The following GLRX2 variants were observed in gnomAD, a reference collection of about 807,000 sequenced individuals.
The protein encoded by GLRX2 is glutaredoxin 2, also known as bA101E13.1 (GRX2 glutaredoxin (thioltransferase) 2).
A neutral mutation model predicts 16.4 loss-of-function variants in GLRX2; 12 were observed. The observed-to-expected ratio is 0.73, with a 90% CI of 0.47 to 1.19. The LOEUF is 1.19. Among genes scored for constraint, GLRX2 ranks in the 50% most tolerant of loss-of-function variants. GLRX2 has a pLI of 0.00. For missense variants in GLRX2, 201 were observed against 201.8 expected (o/e 1.00, Z 0.02); for synonymous variants, 95 against 76.2 (o/e 1.25, Z -1.28).
chr1:193,105,372 C>G lies in GLRX2; in HGVS notation c.11G>C (p.Arg4Pro). 1 of 1,544,842 alleles carries G rather than the reference C, an allele frequency of 6.5e-7. No individual in the cohort carries two copies. The highest frequency in any genetic ancestry group is 8.6e-7 in the Non-Finnish European group (1 of 1,156,176). The part of the protein sequence containing the change: MIW[R>P]RAALAGTRLV... Reference sequence around the variant, plus strand: ...CCGCGTCCCCGCCAGCGCCGCGCGGCGCCAAATCATGGTCAGAGCCCGGAT... The same window carrying G: ...CCGCGTCCCCGCCAGCGCCGCGCGGGGCCAAATCATGGTCAGAGCCCGGAT... The change falls in exon 1 of 4, where the codon CGC becomes CCC. Residue 4 changes from arginine to proline, a missense_variant. Transcript: ENST00000367439.
At chr1:193,103,174 A>G (rs1055789597) in intron 1 of GLRX2, among the ~76,000 whole-genome samples, 2 of 152,104 alleles carry the variant, frequency 1.3e-5, no homozygotes, top group Non-Finnish European at 2.9e-5. Context: ...TCCACCTAAT[A>G]GGAAAAAAAA....
chr1:193,105,637 A>G (rs1675186249), upstream of GLRX2: 5 of 1,596,854 alleles, frequency 3.1e-6, no homozygotes, highest in African/African-American at 6.8e-5. Context: ...TCGAGGGTTC[A>G]TCCGAGCCCC....
intron 1 of GLRX2, among the ~76,000 whole-genome samples, chr1:193,102,134 T>C (rs1448485359): frequency 6.6e-6 from 1 of 152,162 alleles, no homozygotes; most frequent in Non-Finnish European, 1.5e-5. Context: ...ATCTAAAGAA[T>C]AAGAGAATTT....
upstream of GLRX2, chr1:193,105,561 G>T (rs1159083040): frequency 6.2e-7 from 1 of 1,603,702 alleles, no homozygotes; most frequent in Admixed American, 1.7e-5. Flanking sequence ...CCGAGCGCTG[G>T]ATTCCAGCGA....
intron 2 of GLRX2, among the ~76,000 whole-genome samples, chr1:193,099,404 G>A (rs1478155122): frequency 2.6e-5 from 4 of 151,988 alleles, no homozygotes; most frequent in Admixed American, 1.3e-4. Context: ...ACAAGGGTGC[G>A]ATCTCAGCTC....
chr1:193,098,957 T>C (rs1316204275), intron 2 of GLRX2, among the ~76,000 whole-genome samples: 1 of 152,250 alleles, frequency 6.6e-6, no homozygotes, highest in Non-Finnish European at 1.5e-5. Context: ...TGATTTCTTC[T>C]TAAAATGTAA....
In GLRX2 at chr1:193,105,385, T is replaced by C; in HGVS notation, c.-3A>G. The C allele has an allele frequency of 1.9e-6, 3 of 1,540,750 alleles. No homozygotes were observed. Among genetic ancestry groups the C allele is most frequent in the South Asian group, 2.4e-5 (2 of 84,036 alleles). On this transcript the variant is annotated 5_prime_UTR_variant, in exon 1 of 4. Transcript: ENST00000367439. ...AGCGCCGCGCGGCGCCAAATCATGG[T>C]CAGAGCCCGGATCTGCAGCGAGCTC...
intron 1 of GLRX2, among the ~76,000 whole-genome samples, chr1:193,101,984 C>A (rs997561858): frequency 6.6e-6 from 1 of 152,102 alleles, no homozygotes; most frequent in Admixed American, 6.5e-5. Flanking sequence ...ATCCACTCAT[C>A]TTTCTTGGTC....
intron 3 of GLRX2, 141 bp from the exon 4 acceptor site, chr1:193,096,900 A>C: frequency 3.2e-6 from 2 of 617,772 alleles, no homozygotes; most frequent in East Asian, 2.8e-5. Context: ...AAATCTTAAA[A>C]TCTTTACCCT....
intron 3 of GLRX2, among the ~76,000 whole-genome samples, chr1:193,097,306 T>C (rs1373267593): frequency 3.3e-5 from 5 of 152,218 alleles, no homozygotes; most frequent in Admixed American, 6.5e-5. Context: ...AAGAATACTT[T>C]CATCTTGCCA....
intron 2 of GLRX2, among the ~76,000 whole-genome samples, chr1:193,100,022 A>T (rs1675041487): frequency 6.6e-6 from 1 of 152,170 alleles, no homozygotes; most frequent in South Asian, 2.1e-4. Flanking sequence ...GTAGGGAGAG[A>T]TGAGCTTCCA....
upstream of GLRX2, chr1:193,105,520 C>T: frequency 6.4e-7 from 1 of 1,553,760 alleles, no homozygotes. Context: ...CGGTCACCTC[C>T]TCGCAGCTGA....
chr1:193,106,014 CAAAA>C, upstream of GLRX2: 1 of 989,934 alleles, frequency 1.0e-6, no homozygotes, highest in Non-Finnish European at 1.2e-6. Flanking sequence ...GGAAACAAAA[CAAAA>C]GAAATTAGCA....
chr1:193,101,273 G>GA (rs942639056), intron 1 of GLRX2, 69 bp from the exon 2 acceptor site: 4 of 1,039,216 alleles, frequency 3.8e-6, no homozygotes, highest in South Asian at 1.4e-5. Flanking sequence ...AGTTTTATTT[G>GA]AAAAAAATCA....
In GLRX2 at chr1:193,105,321, G is replaced by C; in HGVS notation, c.62C>G (p.Ala21Gly). The C allele has an allele frequency of 6.5e-7, 1 of 1,535,408 alleles. No homozygotes were observed. The highest frequency in any genetic ancestry group is 8.7e-7 in the Non-Finnish European group (1 of 1,150,398). Reference protein sequence around the residue: ...TRLVWSRSGSAGWLDRAAGAA... With the variant: ...TRLVWSRSGSGGWLDRAAGAA... ...TCCCGCCGCCCTGTCAAGCCAGCCTGCCGAGCCGCTCCTGCTCCAAACCAG... is the reference window on the plus strand; with the variant it reads ...TCCCGCCGCCCTGTCAAGCCAGCCTCCCGAGCCGCTCCTGCTCCAAACCAG... The change falls in exon 1 of 4, where the codon GCA (alanine) becomes GGA (glycine). Residue 21 changes from alanine (A) to glycine (G), a missense_variant. By Grantham distance (60) the Ala-to-Gly change is moderately conservative. Coordinates refer to ENST00000367439, the MANE Select transcript of GLRX2 (RefSeq NM_197962.3).
intron 3 of GLRX2, among the ~76,000 whole-genome samples, chr1:193,097,062 A>G (rs1674972641): frequency 6.6e-6 from 1 of 152,248 alleles, no homozygotes; most frequent in Non-Finnish European, 1.5e-5. Flanking sequence ...AGCTTTAAAT[A>G]AACTAAAGCA....
upstream of GLRX2, chr1:193,106,034 A>G (rs1675195182): frequency 1.0e-6 from 1 of 988,496 alleles, no homozygotes; most frequent in African/African-American, 1.7e-5. Flanking sequence ...TAGCACAGAG[A>G]TGTTTCACCA....
intron 2 of GLRX2, among the ~76,000 whole-genome samples, chr1:193,100,009 C>T (rs1003515189): frequency 4.6e-5 from 7 of 152,220 alleles, no homozygotes; most frequent in East Asian, 1.9e-4. Flanking sequence ...CTAACACCAT[C>T]GTGTAGGGAG....
rs747551439 is a variant in GLRX2 at position 193,105,399 on chromosome 1, T to C, written c.-17A>G. ...CCAAATCATGGTCAGAGCCCGGATCTGCAGCGAGCTCTACTGCCGGACACC... is the reference window on the plus strand; with the variant it reads ...CCAAATCATGGTCAGAGCCCGGATCCGCAGCGAGCTCTACTGCCGGACACC... On this transcript the variant is annotated 5_prime_UTR_variant, in exon 1 of 4. Transcript: ENST00000367439. 2.0e-6 allele frequency: 3 copies of C among 1,523,254 alleles called. No homozygotes were observed. The highest frequency in any genetic ancestry group is 2.4e-5 in the South Asian group (2 of 81,958). The allele number at this position is 1,523,254 out of a possible 1,614,324, so 94.4% of individuals were successfully genotyped here.
Sources: allele counts gnomAD v4.1 joint callset (sites outside exome capture counted in the v4.1 genomes callset), GRCh38; gene constraint gnomAD v4.1.1; transcripts MANE v1.5; gene names NCBI Gene and HGNC (gene_info 2026-07-23, HGNC 2026-07-21).